ZFAT: variants seen among roughly 807,000 people sequenced by gnomAD.
ZFAT encodes the protein zinc finger protein ZFAT.
ZFAT carries 64 observed loss-of-function variants against 117.7 expected under a neutral mutation model. The observed-to-expected ratio is 0.54, with a 90% confidence interval of 0.44 to 0.67. The LOEUF (loss-of-function observed/expected upper bound fraction) is 0.67. ZFAT is among the 30% of genes least tolerant of loss of function. The pLI, the probability that ZFAT is intolerant of heterozygous loss-of-function variation, is 0.00. For missense variants in ZFAT, 1,433 were observed against 1,584.5 expected, an observed-to-expected ratio of 0.90 and a Z score of 1.62; for synonymous variants, 679 against 615.0, an observed-to-expected ratio of 1.10 and a Z score of -1.54.
the ZFAT span, among the ~76,000 whole-genome samples, chr8:134,787,126 C>T: frequency 4.1e-4 from 63 of 152,148 alleles, no homozygotes; most frequent in African/African-American, 1.4e-3. Context: ...GGATTACAGG[C>T]ATGAGCCACT....
chr8:134,760,711 G>T, the ZFAT span, among the ~76,000 whole-genome samples: 3 of 152,208 alleles, frequency 2.0e-5, no homozygotes, highest in African/African-American at 7.2e-5. Flanking sequence ...CATTTATTGA[G>T]ATGTTTTATG....
intron 15 of ZFAT, among the ~76,000 whole-genome samples, chr8:134,486,545 C>G (rs1369239099): frequency 1.3e-5 from 2 of 152,132 alleles, no homozygotes; most frequent in African/African-American, 4.8e-5. Flanking sequence ...AGGGAAGGCA[C>G]CCGGGGTTGT....
intron 15 of ZFAT, among the ~76,000 whole-genome samples, chr8:134,488,081 G>A (rs1453827188): frequency 6.6e-6 from 1 of 152,240 alleles, no homozygotes; most frequent in South Asian, 2.1e-4. Flanking sequence ...CAAGCCCCAA[G>A]TAGGGTAGCT....
chr8:134,637,057 A>T (rs972986981), intron 3 of ZFAT, among the ~76,000 whole-genome samples: 3 of 152,228 alleles, frequency 2.0e-5, no homozygotes, highest in Non-Finnish European at 2.9e-5. Flanking sequence ...AATGCCACCC[A>T]AACTGTGACA....
At chr8:134,686,919 A>G (rs911447821) in intron 1 of ZFAT, among the ~76,000 whole-genome samples, 2 of 152,170 alleles carry the variant, frequency 1.3e-5, no homozygotes, top group Non-Finnish European at 2.9e-5. Flanking sequence ...GCCCAAATTA[A>G]TAGTGGCCTT....
chr8:134,516,894 A>C (rs544777849), intron 13 of ZFAT, among the ~76,000 whole-genome samples: 1 of 152,152 alleles, frequency 6.6e-6, no homozygotes, highest in African/African-American at 2.4e-5. Context: ...CAATGGCTTG[A>C]TTCTTGGTCT....
At chr8:134,752,066 G>A in the ZFAT span, among the ~76,000 whole-genome samples, 2 of 152,228 alleles carry the variant, frequency 1.3e-5, no homozygotes, top group East Asian at 3.9e-4. Flanking sequence ...AGGGGGTTAG[G>A]CTAGATCAAC....
intron 15 of ZFAT, among the ~76,000 whole-genome samples, chr8:134,489,999 T>C (rs4398862): frequency 0.51 from 77,854 of 151,986 alleles, 20,474 homozygotes; most frequent in African/African-American, 0.64. Context: ...CATTGCGGGA[T>C]CTGTCAGCTC....
At chr8:134,520,323 C>G (rs1820559235) in intron 13 of ZFAT, among the ~76,000 whole-genome samples, 1 of 152,192 alleles carries the variant, frequency 6.6e-6, no homozygotes, top group Non-Finnish European at 1.5e-5. Flanking sequence ...CTGAGAAACC[C>G]TGCCTTAGAT....
the ZFAT span, among the ~76,000 whole-genome samples, chr8:134,773,537 G>A: frequency 6.6e-6 from 1 of 152,192 alleles, no homozygotes; most frequent in Non-Finnish European, 1.5e-5. Flanking sequence ...TAAGTCTATA[G>A]CTGCCATAAA....
At chr8:134,742,964 G>A in the ZFAT span, among the ~76,000 whole-genome samples, 1 of 152,192 alleles carries the variant, frequency 6.6e-6, no homozygotes, top group Non-Finnish European at 1.5e-5. Flanking sequence ...GTGTGCCTCT[G>A]TCTCAGGTCC....
the ZFAT span, among the ~76,000 whole-genome samples, chr8:134,778,983 C>G: frequency 6.6e-6 from 1 of 152,146 alleles, no homozygotes; most frequent in Non-Finnish European, 1.5e-5. Context: ...AGGGAATCAG[C>G]TTAGCAGGTG....
chr8:134,745,890 A>G, the ZFAT span, among the ~76,000 whole-genome samples: 1 of 152,188 alleles, frequency 6.6e-6, no homozygotes, highest in Non-Finnish European at 1.5e-5. Flanking sequence ...GCTATTTAGT[A>G]TAGAAAGATG....
At chr8:134,795,944 T>A in the ZFAT span, 1 of 152,100 alleles carries the variant, frequency 6.6e-6, no homozygotes, top group Non-Finnish European at 1.5e-5. Context: ...TATTTTGGGG[T>A]ATTGATTTCT....
chr8:134,495,102 G>C (rs1442613811), intron 15 of ZFAT, among the ~76,000 whole-genome samples: 1 of 152,166 alleles, frequency 6.6e-6, no homozygotes, highest in Admixed American at 6.5e-5. Flanking sequence ...ATGTCCCTCA[G>C]CATCTGCAAT....
At chr8:134,635,736 TAACAAA>T (rs1830173396) in intron 3 of ZFAT, among the ~76,000 whole-genome samples, 1 of 151,976 alleles carries the variant, frequency 6.6e-6, no homozygotes, top group Non-Finnish European at 1.5e-5. Context: ...ATCCAGTGAT[TAACAAA>T]TCACTGGAAA....
At chr8:134,694,160 G>A (rs1021532294) in intron 1 of ZFAT, among the ~76,000 whole-genome samples, 2 of 152,128 alleles carry the variant, frequency 1.3e-5, no homozygotes. Flanking sequence ...CAGCTGAGGT[G>A]TCCTTCCGCC....
intron 12 of ZFAT, among the ~76,000 whole-genome samples, chr8:134,524,470 T>C (rs1442347132): frequency 6.6e-6 from 1 of 152,206 alleles, no homozygotes; most frequent in African/African-American, 2.4e-5. Flanking sequence ...AGAAAAATAA[T>C]ATGAATTCTT....
chr8:134,614,785 G>A (rs148468734), intron 3 of ZFAT, among the ~76,000 whole-genome samples: 4 of 152,272 alleles, frequency 2.6e-5, no homozygotes, highest in East Asian at 1.9e-4. Context: ...TTTCAGACAC[G>A]TTTATGAGGA....
Sources: allele counts gnomAD v4.1 joint callset (sites outside exome capture counted in the v4.1 genomes callset), GRCh38; gene constraint gnomAD v4.1.1; transcripts MANE v1.5; gene names NCBI Gene and HGNC (gene_info 2026-07-23, HGNC 2026-07-21).